ZNF585B: variants seen among roughly 807,000 people sequenced by gnomAD.
ZNF585B encodes the protein zinc finger protein 585B.
In ZNF585B, 7 loss-of-function variants were observed where a neutral mutation model predicts 14.0. That is an observed-to-expected ratio of 0.50 (90% CI 0.28 to 0.94). The LOEUF (loss-of-function observed/expected upper bound fraction) is 0.94, where lower values mean the gene tolerates loss of function less well. Ranked by LOEUF, ZNF585B falls within the 40% of genes least tolerant of loss-of-function variation. The pLI is 0.09. For synonymous variants in ZNF585B, 290 were observed against 317.3 expected (o/e 0.91, Z 0.91); for missense variants, 750 against 924.4 (o/e 0.81, Z 2.45).
chr19:37,196,510 C>T (rs1175861552), intron 2 of ZNF585B, among the ~76,000 whole-genome samples: 1 of 152,082 alleles, frequency 6.6e-6, no homozygotes, highest in Non-Finnish European at 1.5e-5. Flanking sequence ...CTATGTGGGT[C>T]CATTTGTAAC....
In ZNF585B at chr19:37,185,582, T is replaced by C; in HGVS notation, c.1955A>G (p.His652Arg). Residue 652 changes from histidine to arginine, a missense_variant, in exon 5 of 5, where the codon CAC becomes CGC. Physicochemically the swap from His to Arg is conservative, Grantham distance 29 (BLOSUM62 0). Transcript: ENST00000532828. ...CTTTTCTCCGGTATGAGTTTTCTGG[T>C]GCTTACTGAGATTTGACCTGCCACT... ...AFSGRSNLSKHQKTHTGEKPY... is the reference protein window; with the variant it reads ...AFSGRSNLSKRQKTHTGEKPY... The C allele has an allele frequency of 6.2e-7, 1 of 1,613,854 alleles. No individual in the cohort carries two copies. Among genetic ancestry groups the C allele is most frequent in the Non-Finnish European group, 8.5e-7 (1 of 1,179,944 alleles).
rs59685400 is a variant in ZNF585B, at chr19:37,184,428, A to AAG, written c.*798_*799insCT. On this transcript the variant is annotated 3_prime_UTR_variant, in exon 5 of 5. Coordinates refer to ENST00000532828, the MANE Select transcript of ZNF585B (RefSeq NM_152279.4). ...AGAAAGAAAGAAAGAGAAAGAAAGAAAAAGAAAGAAAGAAGGAAAGAAAGA... is the reference window on the plus strand; with the variant it reads ...AGAAAGAAAGAAAGAGAAAGAAAGAAAGAAAGAAAGAAAGAAGGAAAGAAAGA... 6.9e-4 allele frequency: 36 copies of AAG among 52,462 alleles called. 4 individuals carry two copies. The highest frequency in any genetic ancestry group is 2.6e-3 in the East Asian group (6 of 2,328). 3.2% of individuals were successfully genotyped at this position (52,462 alleles called of 1,614,324 possible).
intron 1 of ZNF585B, among the ~76,000 whole-genome samples, chr19:37,208,262 C>T (rs1443912207): frequency 3.3e-5 from 5 of 152,100 alleles, no homozygotes; most frequent in South Asian, 2.1e-4. Flanking sequence ...TGAGCCACCG[C>T]GCCCAACCCA....
chr19:37,193,694 C>G (rs1203778507), intron 2 of ZNF585B, among the ~76,000 whole-genome samples: 1 of 151,852 alleles, frequency 6.6e-6, no homozygotes, highest in Non-Finnish European at 1.5e-5. Flanking sequence ...GTCGGAGGAT[C>G]GACTGAGCCC....
intron 2 of ZNF585B, among the ~76,000 whole-genome samples, chr19:37,192,345 C>T (rs758424616): frequency 2.6e-5 from 4 of 151,862 alleles, no homozygotes; most frequent in East Asian, 1.9e-4. Flanking sequence ...TTTCATAGAG[C>T]GGAAGAATTT....
chr19:37,189,985 G>C (rs750894748), intron 3 of ZNF585B, 39 bp downstream of exon 3: 6 of 1,609,448 alleles, frequency 3.7e-6, no homozygotes, highest in South Asian at 1.1e-5. Context: ...AACACTCTCA[G>C]TGAGGCCTCC....
chr19:37,200,474 C>T (rs986050652), intron 2 of ZNF585B, among the ~76,000 whole-genome samples: 3 of 148,326 alleles, frequency 2.0e-5, no homozygotes, highest in African/African-American at 7.5e-5. Flanking sequence ...CGCTTGAACC[C>T]GGCAGATGGA....
intron 2 of ZNF585B, among the ~76,000 whole-genome samples, chr19:37,200,695 C>T (rs1972522399): frequency 6.6e-6 from 1 of 151,654 alleles, no homozygotes; most frequent in Non-Finnish European, 1.5e-5. Context: ...CAGTATAGAA[C>T]TTTTATTGTT....
At chr19:37,189,117 T>C (rs1392923742) in intron 4 of ZNF585B, among the ~76,000 whole-genome samples, 6 of 151,994 alleles carry the variant, frequency 3.9e-5, no homozygotes, top group Admixed American at 3.9e-4. Context: ...TTTGTATTTT[T>C]AGTAGAGATG....
intron 2 of ZNF585B, among the ~76,000 whole-genome samples, chr19:37,204,695 C>T (rs1185118788): frequency 6.6e-6 from 1 of 152,066 alleles, no homozygotes; most frequent in Non-Finnish European, 1.5e-5. Context: ...CTGCCTCAGC[C>T]TCCCGAGCAG....
chr19:37,209,394 G>T (rs188877), intron 1 of ZNF585B, among the ~76,000 whole-genome samples: 59,237 of 151,840 alleles, frequency 0.39, 12,394 homozygotes, highest in African/African-American at 0.55. Context: ...TGAGCCACCA[G>T]GCCCGGTCAG....
chr19:37,188,116 G>T (rs1437484439), intron 4 of ZNF585B, among the ~76,000 whole-genome samples: 1 of 152,130 alleles, frequency 6.6e-6, no homozygotes, highest in Non-Finnish European at 1.5e-5. Flanking sequence ...CATTTTCATG[G>T]TCATAGTGTG....
intron 2 of ZNF585B, among the ~76,000 whole-genome samples, chr19:37,192,438 G>T (rs1972411950): frequency 6.6e-6 from 1 of 151,706 alleles, no homozygotes; most frequent in Admixed American, 6.6e-5. Flanking sequence ...AAGATGGGGA[G>T]ATGGGCTCCA....
chr19:37,208,808 A>G (rs1972614404), intron 1 of ZNF585B, among the ~76,000 whole-genome samples: 1 of 152,160 alleles, frequency 6.6e-6, no homozygotes. Context: ...CCTGGCCAAC[A>G]TGGCGAAACG....
chr19:37,194,674 A>G (rs1972440321), intron 2 of ZNF585B, among the ~76,000 whole-genome samples: 1 of 152,188 alleles, frequency 6.6e-6, no homozygotes, highest in Admixed American at 6.6e-5. Context: ...CACCTCAGCA[A>G]TTTATCAAAA....
At chr19:37,194,838 C>T (rs1037287062) in intron 2 of ZNF585B, among the ~76,000 whole-genome samples, 3 of 151,862 alleles carry the variant, frequency 2.0e-5, no homozygotes, top group African/African-American at 7.3e-5. Flanking sequence ...GCTATAAAAC[C>T]AACCTCAACA....
At chr19:37,202,642 T>G (rs1227924774) in intron 2 of ZNF585B, among the ~76,000 whole-genome samples, 1 of 148,988 alleles carries the variant, frequency 6.7e-6, no homozygotes, top group Admixed American at 6.7e-5. Flanking sequence ...TTTGCATGGT[T>G]TTTTTTTTTT....
intron 2 of ZNF585B, among the ~76,000 whole-genome samples, chr19:37,193,138 A>C (rs1972421629): frequency 1.3e-5 from 2 of 151,816 alleles, no homozygotes; most frequent in South Asian, 4.2e-4. Flanking sequence ...CCATCTTAAA[A>C]ACAAAACAAA....
In ZNF585B at chr19:37,186,658, A is replaced by G. The variant is rs1356632546; in HGVS notation, c.879T>C (p.Ser293=). ...TQLIAHRRIH[S]GEKPYECNNC... ...TATTGCATTCATATGGTTTTTCTCC[A>G]CTATGAATTCTTCGGTGTGCAATCA... The change falls in exon 5 of 5, where the codon AGT becomes AGC. Residue 293 remains serine (S), a synonymous_variant. Coordinates refer to ENST00000532828, the MANE Select transcript of ZNF585B (RefSeq NM_152279.4). The G allele has an allele frequency of 1.2e-6, 2 of 1,614,078 alleles. No individual in the cohort carries two copies. The highest frequency in any genetic ancestry group is 2.2e-5 in the East Asian group (1 of 44,898).
Sources: allele counts gnomAD v4.1 joint callset (sites outside exome capture counted in the v4.1 genomes callset), GRCh38; gene constraint gnomAD v4.1.1; transcripts MANE v1.5; gene names NCBI Gene and HGNC (gene_info 2026-07-23, HGNC 2026-07-21).